The following SLC27A6 variants were observed in gnomAD, a reference collection of about 807,000 sequenced individuals.
SLC27A6 encodes solute carrier family 27 member 6.
SLC27A6 carries 74 observed loss-of-function variants against 63.9 expected under a neutral mutation model. That is an observed-to-expected ratio of 1.16 (90% CI 0.96 to 1.40). The LOEUF is 1.40. Ranked by LOEUF, SLC27A6 falls within the 40% of genes most tolerant of loss-of-function variation. The pLI, the probability that SLC27A6 is intolerant of heterozygous loss-of-function variation, is 0.00. For missense variants in SLC27A6, 794 were observed against 732.9 expected, an observed-to-expected ratio of 1.08 and a Z score of -0.96; for synonymous variants, 287 against 260.8, an observed-to-expected ratio of 1.10 and a Z score of -0.97.
intron 1 of SLC27A6, among the ~76,000 whole-genome samples, chr5:128,984,606 C>T (rs960802171): frequency 6.6e-6 from 1 of 152,192 alleles, no homozygotes; most frequent in Non-Finnish European, 1.5e-5. Context: ...CTCTCTCCCA[C>T]CCTCCCCCAT....
At chr5:128,999,410 C>A (rs1751259898) in intron 4 of SLC27A6, among the ~76,000 whole-genome samples, 1 of 151,972 alleles carries the variant, frequency 6.6e-6, no homozygotes, top group African/African-American at 2.4e-5. Flanking sequence ...GTTGGCATGC[C>A]CCTGACTCAC....
At chr5:128,999,302 T>C (rs1314137880) in intron 4 of SLC27A6, among the ~76,000 whole-genome samples, 1 of 152,064 alleles carries the variant, frequency 6.6e-6, no homozygotes, top group African/African-American at 2.4e-5. Context: ...TCAGTACATG[T>C]CTTTAGGTTG....
At chr5:129,010,011 C>T (rs778043000) in intron 4 of SLC27A6, among the ~76,000 whole-genome samples, 24 of 152,144 alleles carry the variant, frequency 1.6e-4, no homozygotes, top group Admixed American at 7.9e-4. Context: ...TAACATGTTA[C>T]GTGTTTTTAA....
intron 1 of SLC27A6, among the ~76,000 whole-genome samples, chr5:128,973,194 G>A (rs1429662782): frequency 2.0e-5 from 3 of 152,114 alleles, no homozygotes; most frequent in East Asian, 3.9e-4. Context: ...GCCCCTACTG[G>A]GAGATGTCTC....
chr5:128,990,465 G>A lies in SLC27A6; in HGVS notation c.969+1G>A. On this transcript the variant is annotated splice_donor_variant, in intron 4 of 9. Transcript: ENST00000262462. LOFTEE classifies it high-confidence loss of function. ...TCGCTACCTTTGCAAACAATCTAAG[G>A]TAGGCGTAATCATTATCAGAAAAAA... 1.1e-5 allele frequency: 17 copies of A among 1,606,328 alleles called. No homozygotes were observed. Among genetic ancestry groups the A allele is most frequent in the Non-Finnish European group, 1.4e-5 (17 of 1,178,370 alleles).
At chr5:128,983,074 C>G (rs1750647435) in intron 1 of SLC27A6, among the ~76,000 whole-genome samples, 1 of 152,098 alleles carries the variant, frequency 6.6e-6, no homozygotes, top group Non-Finnish European at 1.5e-5. Context: ...TGTAGTAGAA[C>G]TAACCCAATG....
intron 4 of SLC27A6, among the ~76,000 whole-genome samples, chr5:129,005,266 T>A (rs898207793): frequency 2.6e-5 from 4 of 152,154 alleles, no homozygotes; most frequent in African/African-American, 9.7e-5. Context: ...AAATATTAAC[T>A]CCCAGTTATT....
intron 4 of SLC27A6, among the ~76,000 whole-genome samples, chr5:128,994,390 A>G (rs1751085495): frequency 2.0e-5 from 3 of 152,192 alleles, no homozygotes; most frequent in Non-Finnish European, 4.4e-5. Flanking sequence ...CAAAATGAGT[A>G]CAAGCTGTTC....
rs1035508914 is a variant in SLC27A6, at chr5:129,018,655, C to T, written c.1164+2576C>T. 1.2e-4 allele frequency among the ~76,000 whole-genome samples: 18 copies of T among 151,992 alleles called. 1 individual carries two copies. Among genetic ancestry groups the T allele is most frequent in the African/African-American group, 4.3e-4 (18 of 41,464 alleles). On this transcript the variant is annotated intron_variant, in intron 5 of 9. Coordinates refer to ENST00000262462, the MANE Select transcript of SLC27A6 (RefSeq NM_001017372.3). Reference sequence around the variant, plus strand: ...ACAAATTTGGTATTGATATTGAGCCCCTTTGTGAAGCTGAGCCATTCTAAA... The same window carrying T: ...ACAAATTTGGTATTGATATTGAGCCTCTTTGTGAAGCTGAGCCATTCTAAA...
rs4068575 is a variant in SLC27A6 at position 129,006,071 on chromosome 5, G to GTTTTTTTTTTTTTTTTTTTTT, written c.970-9809_970-9789dup. 3.8e-3 allele frequency among the ~76,000 whole-genome samples: 227 copies of GTTTTTTTTTTTTTTTTTTTTT among 60,130 alleles called. 53 individuals carry two copies. The highest frequency in any genetic ancestry group is 0.034 in the East Asian group (21 of 614). 39.4% of individuals were successfully genotyped at this position (60,130 alleles called of 152,430 possible). On this transcript the variant is annotated intron_variant, in intron 4 of 9. Coordinates refer to ENST00000262462, the MANE Select transcript of SLC27A6 (RefSeq NM_001017372.3). ...TAAAATTTTCATTCCTGTGCACACT[G>GTTTTTTTTTTTTTTTTTTTTT]TTTTTTTTTTTTTTTTTTTTTTTTT... is the stretch of plus-strand genomic sequence containing the variant.
chr5:129,016,395 CAAAA>C (rs759333355), intron 5 of SLC27A6, among the ~76,000 whole-genome samples: 9 of 64,722 alleles, frequency 1.4e-4, no homozygotes, highest in African/African-American at 3.9e-4. Context: ...GACTCTGTCT[CAAAA>C]AAAAAAAAAA....
rs1561624837 is a variant in SLC27A6, at chr5:129,006,069, C to CTGTTTTTTTTTTT, written c.970-9814_970-9802dup. 1.6e-3 allele frequency among the ~76,000 whole-genome samples: 104 copies of CTGTTTTTTTTTTT among 64,822 alleles called. 9 individuals carry two copies. The Admixed American group carries it at 0.016, about 10-fold the overall frequency. 42.5% of individuals were successfully genotyped at this position (64,822 alleles called of 152,430 possible). On this transcript the variant is annotated intron_variant, in intron 4 of 9. Coordinates refer to ENST00000262462, the MANE Select transcript of SLC27A6 (RefSeq NM_001017372.3). ...GGTAAAATTTTCATTCCTGTGCACA[C>CTGTTTTTTTTTTT]TGTTTTTTTTTTTTTTTTTTTTTTT...
At chr5:128,979,610 G>C (rs565182371) in intron 1 of SLC27A6, among the ~76,000 whole-genome samples, 49 of 152,258 alleles carry the variant, frequency 3.2e-4, no homozygotes, top group African/African-American at 1.1e-3. Flanking sequence ...ATGCCTTCTT[G>C]TGCCATTTCA....
At chr5:129,027,817 C>G (rs1430339647) in intron 7 of SLC27A6, among the ~76,000 whole-genome samples, 1 of 151,916 alleles carries the variant, frequency 6.6e-6, no homozygotes, top group African/African-American at 2.4e-5. Flanking sequence ...CTTCTTGTAC[C>G]ATGTTATAAG....
chr5:129,000,682 G>A (rs1203433516), intron 4 of SLC27A6, among the ~76,000 whole-genome samples: 1 of 152,140 alleles, frequency 6.6e-6, no homozygotes, highest in African/African-American at 2.4e-5. Flanking sequence ...ATTAATGAGC[G>A]CTAGTAGTTG....
At chr5:128,973,356 C>G (rs1387254474) in intron 1 of SLC27A6, among the ~76,000 whole-genome samples, 1 of 152,320 alleles carries the variant, frequency 6.6e-6, no homozygotes, top group African/African-American at 2.4e-5. Context: ...GCCTTTTATT[C>G]AGCTATGCCC....
At chr5:129,013,188 A>G (rs1561628016) in intron 4 of SLC27A6, among the ~76,000 whole-genome samples, 1 of 152,094 alleles carries the variant, frequency 6.6e-6, no homozygotes, top group East Asian at 1.9e-4. Context: ...TTCAAATAGC[A>G]TATTTTCCAC....
chr5:128,987,106 G>A (rs1016570295), intron 2 of SLC27A6, among the ~76,000 whole-genome samples: 1 of 151,836 alleles, frequency 6.6e-6, no homozygotes, highest in Admixed American at 6.6e-5. Context: ...AAAAAGTAGG[G>A]GATATAAAAG....
Position 128,990,568 on chromosome 5 carries a change from C to T in SLC27A6, c.969+104C>T, listed in dbSNP as rs1036319053. The T allele has an allele frequency of 2.6e-5, 31 of 1,212,872 alleles. No homozygotes were observed. The Middle Eastern group carries it at 8.1e-4, about 32-fold the overall frequency. The allele number at this position is 1,212,872 out of a possible 1,614,324, so 75.1% of individuals were successfully genotyped here. ...GTTTATACTCTACCTTTGTTACTGG[C>T]GGGTCTTTGTTCTTAGAGCTTCCAA... On this transcript the variant is annotated intron_variant, in intron 4 of 9. Coordinates refer to ENST00000262462, the MANE Select transcript of SLC27A6 (RefSeq NM_001017372.3).
Sources: gnomAD v4.1 joint callset for allele counts (sites outside exome capture counted in the v4.1 genomes callset) on GRCh38, gnomAD v4.1.1 for gene constraint, MANE v1.5 for transcripts, NCBI Gene and HGNC (gene_info 2026-07-23, HGNC 2026-07-21) for gene names.